The following FLT1 variants were observed in gnomAD, a reference collection of about 807,000 sequenced individuals.
The protein encoded by FLT1 is fms related receptor tyrosine kinase 1.
Under a neutral mutation model 156.3 loss-of-function variants are expected in FLT1, and 49 were observed. That is an observed-to-expected ratio of 0.31 (90% CI 0.25 to 0.40). The LOEUF (loss-of-function observed/expected upper bound fraction) is 0.40, where lower values mean the gene tolerates loss of function less well. Among genes scored for constraint, FLT1 ranks in the 10% least tolerant of loss-of-function variants. The pLI is 1.00. For missense variants in FLT1, 1,322 were observed against 1,637.2 expected (o/e 0.81, Z 3.32); for synonymous variants, 594 against 583.8 (o/e 1.02, Z -0.25).
chr13:28,306,699 G>A lies in FLT1; in HGVS notation c.3794C>T (p.Pro1265Leu). Reference sequence around the variant, plus strand: ...TTACTCAATCTTGAGCGAGGCCTTGGGTTTGCTGTCAGTCCAGGTGAAGCG... The same window carrying A: ...TTACTCAATCTTGAGCGAGGCCTTGAGTTTGCTGTCAGTCCAGGTGAAGCG... ...LKRFTWTDSK[P>L]KASLKIDLRV... Residue 1265 changes from proline (P) to leucine (L), a missense_variant, in exon 29 of 30, where the codon CCC becomes CTC. By Grantham distance (98) the Pro-to-Leu change is moderately conservative (BLOSUM62 -3). Around this residue, in one of 3 missense-constraint regions of FLT1, gnomAD observed 329 missense variants for 366.2 expected, o/e 0.90. Transcript: ENST00000282397. 6.2e-7 allele frequency: 1 copy of A among 1,613,546 alleles called. No individual in the cohort carries two copies. Among genetic ancestry groups the A allele is most frequent in the Non-Finnish European group, 8.5e-7 (1 of 1,179,504 alleles).
At chr13:28,429,132 G>T (rs1481145885) in intron 8 of FLT1, among the ~76,000 whole-genome samples, 1 of 152,072 alleles carries the variant, frequency 6.6e-6, no homozygotes, top group Non-Finnish European at 1.5e-5. Flanking sequence ...AAACGTTTTT[G>T]ATATTCTGAA....
In FLT1 at chr13:28,334,073, T is replaced by G. The variant is rs1566291287; in HGVS notation, c.2545A>C (p.Ile849Leu). The G allele has an allele frequency of 1.9e-6, 3 of 1,613,968 alleles. No individual in the cohort carries two copies. The African/African-American group carries it at 4.0e-5, about 22-fold the overall frequency. ...GTCCGGCACGTAGGTGATTTCTTAA[T>G]GCCAAATGCTGATGCTTGAACCACT... ...GKVVQASAFGIKKSPTCRTVA... is the reference protein window; with the variant it reads ...GKVVQASAFGLKKSPTCRTVA... Residue 849 changes from isoleucine to leucine, a missense_variant, in exon 18 of 30, where the codon ATT becomes CTT. Coordinates refer to ENST00000282397, the MANE Select transcript of FLT1 (RefSeq NM_002019.4).
chr13:28,349,943 T>C (rs1279585466), intron 15 of FLT1, among the ~76,000 whole-genome samples: 1 of 152,250 alleles, frequency 6.6e-6, no homozygotes, highest in Non-Finnish European at 1.5e-5. Flanking sequence ...TCTATTGCAT[T>C]TGATGGCTTA....
chr13:28,399,255 G>T, intron 11 of FLT1: 1 of 517,030 alleles, frequency 1.9e-6, no homozygotes, highest in East Asian at 3.0e-5. Flanking sequence ...TGGGGTGTCA[G>T]CTCCAGCACT....
chr13:28,419,687 C>T (rs563746155), intron 10 of FLT1, among the ~76,000 whole-genome samples: 16 of 152,300 alleles, frequency 1.1e-4, no homozygotes, highest in African/African-American at 2.6e-4. Context: ...AGACCATTCT[C>T]GCTAACATGG....
chr13:28,403,505 A>G (rs1471433652), intron 11 of FLT1, among the ~76,000 whole-genome samples: 1 of 152,060 alleles, frequency 6.6e-6, no homozygotes, highest in Non-Finnish European at 1.5e-5. Context: ...CTCATTTTTC[A>G]TTTCATTTCC....
intron 3 of FLT1, among the ~76,000 whole-genome samples, chr13:28,451,614 G>A (rs1156750515): frequency 6.6e-6 from 1 of 152,080 alleles, no homozygotes; most frequent in Non-Finnish European, 1.5e-5. Flanking sequence ...GCTGTGTGCG[G>A]GGCGGCGGGG....
intron 18 of FLT1, 119 bp from the exon 19 acceptor site, chr13:28,329,847 A>C (rs1871854229): frequency 3.8e-6 from 3 of 798,580 alleles, no homozygotes; most frequent in African/African-American, 3.4e-5. Flanking sequence ...TAACTTCCCC[A>C]CATTCTGCAG....
In FLT1 at chr13:28,389,244, C is replaced by T. The variant is rs142186292; in HGVS notation, c.1969+552G>A. ...GCAGATGAAATAGTCCCAAATAAAA[C>T]CAGGCAGAAGTCCGACAGAGTCTCA... On this transcript the variant is annotated intron_variant, in intron 13 of 29. Coordinates refer to ENST00000282397, the MANE Select transcript of FLT1 (RefSeq NM_002019.4). 30 of 1,128,758 alleles carry T rather than the reference C, an allele frequency of 2.7e-5. 1 individual carries two copies. In the African/African-American group the frequency reaches 4.1e-4, roughly 16 times the overall value. The allele number at this position is 1,128,758 out of a possible 1,614,324, so 69.9% of individuals were successfully genotyped here.
rs1030061740 is a variant in FLT1 at position 28,301,210 on chromosome 13, T to C, written c.*1957A>G. On this transcript the variant is annotated 3_prime_UTR_variant, in exon 30 of 30. Transcript: ENST00000282397. ...AAGTAGAGAATTGACTGAGGTCTTC[T>C]TTTTTCTGTGTTTAACCTCCTTCCA... 5 of 232,936 alleles carry C rather than the reference T, an allele frequency of 2.1e-5. No homozygotes were observed. The highest frequency in any genetic ancestry group is 8.8e-5 in the African/African-American group (4 of 45,296). The allele number at this position is 232,936 out of a possible 1,614,324, so 14.4% of individuals were successfully genotyped here.
chr13:28,413,543 C>A (rs1265617161), intron 10 of FLT1, among the ~76,000 whole-genome samples: 6 of 152,056 alleles, frequency 3.9e-5, no homozygotes, highest in South Asian at 4.1e-4. Flanking sequence ...CTATTTTGTT[C>A]ATTCACTTTT....
At chr13:28,376,749 C>A (rs920409336) in intron 14 of FLT1, among the ~76,000 whole-genome samples, 4 of 152,206 alleles carry the variant, frequency 2.6e-5, no homozygotes, top group African/African-American at 9.7e-5. Flanking sequence ...TATTTTACGA[C>A]CTCATTGGAG....
At chr13:28,430,931 C>T (rs1243770909) in intron 7 of FLT1, among the ~76,000 whole-genome samples, 1 of 152,160 alleles carries the variant, frequency 6.6e-6, no homozygotes, top group Non-Finnish European at 1.5e-5. Context: ...AGAAAGGACT[C>T]TCTGTTCAAT....
chr13:28,422,588 A>G (rs977412023), intron 10 of FLT1, among the ~76,000 whole-genome samples: 6 of 152,184 alleles, frequency 3.9e-5, no homozygotes, highest in Non-Finnish European at 8.8e-5. Flanking sequence ...CAATCCAGAA[A>G]CAACCAGGTG....
At chr13:28,401,473 A>T (rs916165846) in intron 11 of FLT1, among the ~76,000 whole-genome samples, 2 of 152,206 alleles carry the variant, frequency 1.3e-5, no homozygotes, top group African/African-American at 4.8e-5. Context: ...AAGCATTAGT[A>T]ATTCGTTACT....
chr13:28,445,678 A>G (rs1489348621), intron 3 of FLT1, among the ~76,000 whole-genome samples: 3 of 152,142 alleles, frequency 2.0e-5, no homozygotes, highest in African/African-American at 7.2e-5. Context: ...AACAACAACA[A>G]CAACAACAAG....
At chr13:28,462,154 T>A (rs1593820321) in intron 3 of FLT1, among the ~76,000 whole-genome samples, 1 of 152,322 alleles carries the variant, frequency 6.6e-6, no homozygotes, top group East Asian at 1.9e-4. Context: ...CTCAACACCC[T>A]AAGTTTAAGG....
intron 3 of FLT1, among the ~76,000 whole-genome samples, chr13:28,441,267 TGCATGTGGACAGCCCATCCCAAAG>T (rs1450349579): frequency 6.6e-6 from 1 of 152,194 alleles, no homozygotes; most frequent in African/African-American, 2.4e-5. Flanking sequence ...CAGGCCACTG[TGCATGTGGACAGCCCATCCCAAAG>T]GAAAAATCAG....
At chr13:28,481,442 TACACACACACAC>T (rs397687323) in intron 1 of FLT1, among the ~76,000 whole-genome samples, 18 of 142,648 alleles carry the variant, frequency 1.3e-4, no homozygotes, top group East Asian at 6.2e-4. Context: ...CCTCCGCTTA[TACACACACACAC>T]ACACACACAC....
Sources: gnomAD v4.1 joint callset for allele counts (sites outside exome capture counted in the v4.1 genomes callset) on GRCh38, gnomAD v4.1.1 for gene constraint, gnomAD v4.1.1 regional missense constraint, MANE v1.5 for transcripts, NCBI Gene and HGNC (gene_info 2026-07-23, HGNC 2026-07-21) for gene names.